Variants in NDST3 observed in about 807,000 individuals in gnomAD.
NDST3 encodes bifunctional heparan sulfate N-deacetylase/N-sulfotransferase 3.
NDST3 carries 58 observed loss-of-function variants against 96.1 expected under a neutral mutation model. That is an observed-to-expected ratio of 0.60 (90% CI 0.49 to 0.75). The LOEUF is 0.75. NDST3 is among the 30% of genes least tolerant of loss of function. The probability of loss-of-function intolerance (pLI) is 0.00; values close to 1 mark genes in which losing one functional copy is unlikely to be tolerated. For synonymous variants in NDST3, 333 were observed against 359.7 expected (o/e 0.93, Z 0.84); for missense variants, 788 against 1,034.2 (o/e 0.76, Z 3.27).
At chr4:118,200,655 G>A (rs1738015080) in intron 6 of NDST3, among the ~76,000 whole-genome samples, 1 of 152,024 alleles carries the variant, frequency 6.6e-6, no homozygotes, top group Admixed American at 6.6e-5. Context: ...TTTCTTATTA[G>A]TCATTTAAGA....
chr4:118,140,085 G>A (rs966092541), intron 5 of NDST3, among the ~76,000 whole-genome samples: 1 of 152,090 alleles, frequency 6.6e-6, no homozygotes, highest in African/African-American at 2.4e-5. Context: ...CATCTGGACT[G>A]TCTACCTTTC....
chr4:118,121,677 T>C (rs1693221078), intron 4 of NDST3, among the ~76,000 whole-genome samples: 1 of 100,860 alleles, frequency 9.9e-6, no homozygotes, highest in African/African-American at 2.6e-5. Context: ...AGATGGATGA[T>C]GAGGAAGCAT....
chr4:118,227,008 AC>A (rs1739927202), intron 8 of NDST3, 26 bp downstream of exon 8: 2 of 1,493,960 alleles, frequency 1.3e-6, no homozygotes, highest in African/African-American at 2.8e-5. Flanking sequence ...GTTATGATTA[AC>A]GAGTGTAAAT....
At chr4:118,209,064 T>G (rs1738620305) in intron 6 of NDST3, among the ~76,000 whole-genome samples, 1 of 152,142 alleles carries the variant, frequency 6.6e-6, no homozygotes, top group Non-Finnish European at 1.5e-5. Context: ...GTAGGTCAAT[T>G]TTCTGGAAAG....
At chr4:118,046,714 C>A (rs1008345556) in intron 1 of NDST3, among the ~76,000 whole-genome samples, 1 of 152,164 alleles carries the variant, frequency 6.6e-6, no homozygotes, top group African/African-American at 2.4e-5. Flanking sequence ...CCGAGGGCTG[C>A]AGCAGCCACC....
chr4:118,174,411 G>A (rs1019848837), intron 6 of NDST3, among the ~76,000 whole-genome samples: 6 of 152,140 alleles, frequency 3.9e-5, no homozygotes, highest in Admixed American at 3.9e-4. Context: ...ATATTTACAA[G>A]AGAAATCAGA....
chr4:118,164,005 C>T (rs572581342), intron 6 of NDST3, among the ~76,000 whole-genome samples: 1 of 151,894 alleles, frequency 6.6e-6, no homozygotes, highest in Admixed American at 6.6e-5. Flanking sequence ...AGATACATAC[C>T]CAAAGGAATA....
At chr4:118,088,845 C>T (rs553148693) in intron 2 of NDST3, among the ~76,000 whole-genome samples, 4 of 152,070 alleles carry the variant, frequency 2.6e-5, no homozygotes, top group East Asian at 3.9e-4. Context: ...TAACTCACAG[C>T]TTCCATGTCT....
intron 2 of NDST3, among the ~76,000 whole-genome samples, chr4:118,076,539 C>A (rs575178385): frequency 2.0e-5 from 3 of 152,122 alleles, no homozygotes; most frequent in African/African-American, 7.2e-5. Context: ...ATTAGGAAAA[C>A]CAGTCTTTGA....
At chr4:118,161,978 G>A (rs1364090712) in intron 6 of NDST3, among the ~76,000 whole-genome samples, 1 of 152,172 alleles carries the variant, frequency 6.6e-6, no homozygotes, top group Non-Finnish European at 1.5e-5. Context: ...CACGCTGGGA[G>A]CTGTAGACCG....
At chr4:118,090,403 C>T (rs1224665891) in intron 2 of NDST3, among the ~76,000 whole-genome samples, 3 of 151,954 alleles carry the variant, frequency 2.0e-5, no homozygotes, top group Non-Finnish European at 4.4e-5. Flanking sequence ...TTGCCCCATC[C>T]TATCAATGCC....
At chr4:118,250,120 G>A (rs2126012705) in intron 12 of NDST3, among the ~76,000 whole-genome samples, 1 of 152,288 alleles carries the variant, frequency 6.6e-6, no homozygotes, top group South Asian at 2.1e-4. Flanking sequence ...TGATGGACAT[G>A]AGTAATTTGT....
At chr4:118,244,866 A>G (rs971788234) in intron 12 of NDST3, among the ~76,000 whole-genome samples, 1 of 152,188 alleles carries the variant, frequency 6.6e-6, no homozygotes. Flanking sequence ...TACTGTTATC[A>G]TGGGTGTTAA....
At chr4:118,161,888 G>A (rs574960710) in intron 6 of NDST3, among the ~76,000 whole-genome samples, 26 of 152,156 alleles carry the variant, frequency 1.7e-4, no homozygotes, top group African/African-American at 4.3e-4. Flanking sequence ...ACTGTCCTGC[G>A]CCCACTGTCT....
intron 2 of NDST3, among the ~76,000 whole-genome samples, chr4:118,076,219 G>T (rs1271740769): frequency 6.6e-6 from 1 of 152,112 alleles, no homozygotes; most frequent in Non-Finnish European, 1.5e-5. Context: ...CTCTCTAGCT[G>T]CCTTTAATGT....
At chr4:118,189,812 C>A (rs1737187222) in intron 6 of NDST3, among the ~76,000 whole-genome samples, 1 of 152,010 alleles carries the variant, frequency 6.6e-6, no homozygotes, top group African/African-American at 2.4e-5. Context: ...AAAGAGAAAA[C>A]CAAATTTTAT....
chr4:118,162,359 G>T (rs1194851427), intron 6 of NDST3, among the ~76,000 whole-genome samples: 1 of 152,078 alleles, frequency 6.6e-6, no homozygotes, highest in Non-Finnish European at 1.5e-5. Flanking sequence ...ATACTACAAG[G>T]CTACAGTAAC....
chr4:118,213,382 C>T (rs11946755), intron 6 of NDST3, among the ~76,000 whole-genome samples: 1,809 of 152,264 alleles, frequency 0.012, 33 homozygotes, highest in African/African-American at 0.041. Flanking sequence ...CGGTTGGAAC[C>T]TGCAATTTCA....
At chr4:118,222,183 A>G (rs1447850578) in intron 6 of NDST3, among the ~76,000 whole-genome samples, 2 of 151,962 alleles carry the variant, frequency 1.3e-5, no homozygotes, top group Non-Finnish European at 2.9e-5. Context: ...AAATGACATT[A>G]TAAATGTCAT....
Sources: gnomAD v4.1 joint callset for allele counts (sites outside exome capture counted in the v4.1 genomes callset) on GRCh38, gnomAD v4.1.1 for gene constraint, MANE v1.5 for transcripts, NCBI Gene and HGNC (gene_info 2026-07-23, HGNC 2026-07-21) for gene names.